ANAPC1: variants seen among roughly 807,000 people sequenced by gnomAD.
ANAPC1 encodes the protein anaphase promoting complex subunit 1.
ANAPC1 carries 36 observed loss-of-function variants against 208.0 expected under a neutral mutation model. The observed-to-expected ratio is 0.17, with a 90% confidence interval of 0.13 to 0.23. The LOEUF (loss-of-function observed/expected upper bound fraction) is 0.23. Ranked by LOEUF, ANAPC1 falls within the 10% of genes least tolerant of loss-of-function variation. The pLI, the probability that ANAPC1 is intolerant of heterozygous loss-of-function variation, is 1.00. For missense variants in ANAPC1, 942 were observed against 2,011.6 expected, an observed-to-expected ratio of 0.47 and a Z score of 10.17; for synonymous variants, 378 against 695.2, an observed-to-expected ratio of 0.54 and a Z score of 7.18.
chr2:111,806,079 C>CA (rs1678660369), intron 29 of ANAPC1, among the ~76,000 whole-genome samples, 186 bp from the exon 30 acceptor site: 1 of 151,364 alleles, frequency 6.6e-6, no homozygotes, highest in Admixed American at 6.6e-5. Context: ...AAAAAGGGCC[C>CA]AAAATAGTTC....
chr2:111,851,990 C>T (rs1242934233), intron 13 of ANAPC1, among the ~76,000 whole-genome samples: 1 of 152,062 alleles, frequency 6.6e-6, no homozygotes, highest in Non-Finnish European at 1.5e-5. Context: ...TGTTAACACA[C>T]TACTCAAAAG....
At position 111,833,329 on chromosome 2, in the gene ANAPC1, T is replaced by C. The variant is rs187735654; in HGVS notation, c.2385-18A>G. On this transcript the variant is annotated intron_variant, in intron 19 of 47. Coordinates refer to ENST00000341068, the MANE Select transcript of ANAPC1 (RefSeq NM_022662.4). Reference sequence around the variant, plus strand: ...TTAAGTCCCTAAAACAGTAAGGGCATGTAAAAAAGAAGGTATTACAGCACT... The same window carrying C: ...TTAAGTCCCTAAAACAGTAAGGGCACGTAAAAAAGAAGGTATTACAGCACT... 1.9e-5 allele frequency: 30 copies of C among 1,561,300 alleles called. No individual in the cohort carries two copies. Among genetic ancestry groups the C allele is most frequent in the South Asian group, 2.4e-5 (2 of 82,620 alleles).
At chr2:111,863,506 C>T (rs11682193) in intron 9 of ANAPC1, among the ~76,000 whole-genome samples, 169 bp downstream of exon 9, 83,374 of 139,922 alleles carry the variant, frequency 0.6, 25,392 homozygotes, top group South Asian at 0.7. Context: ...AGCAAGACTC[C>T]GTCTCAAAAA....
At chr2:111,882,773 T>C (rs1017636171) in intron 1 of ANAPC1, among the ~76,000 whole-genome samples, 13 of 150,806 alleles carry the variant, frequency 8.6e-5, no homozygotes, top group African/African-American at 2.4e-5. Context: ...CTGGATATAA[T>C]TATGTCACAA....
At position 111,834,687 on chromosome 2, in the gene ANAPC1, G is replaced by A. The variant is rs1461592082; in HGVS notation, c.2301C>T (p.His767=). Residue 767 remains histidine, a synonymous_variant, in exon 19 of 48, where the codon CAC becomes CAT. Coordinates refer to ENST00000341068, the MANE Select transcript of ANAPC1 (RefSeq NM_022662.4). ...TCAACTTAAGCTCCTCATACACAAG[G>A]TGAAGAACGAAAAAAATTGCAGGTA... is the stretch of plus-strand genomic sequence containing the variant. The part of the protein sequence containing the change: ...THIPAIFFVL[H]LVYEELKLNT... The A allele has an allele frequency of 3.7e-6, 6 of 1,613,380 alleles. No individual in the cohort carries two copies. The highest frequency in any genetic ancestry group is 4.2e-6 in the Non-Finnish European group (5 of 1,179,774).
intron 47 of ANAPC1, among the ~76,000 whole-genome samples, chr2:111,769,886 G>T (rs1676635362): frequency 6.6e-6 from 1 of 150,960 alleles, no homozygotes; most frequent in Admixed American, 6.6e-5. Flanking sequence ...GTTTCAACGT[G>T]TTAGCCAGGA....
intron 35 of ANAPC1, 124 bp from the exon 36 acceptor site, chr2:111,794,447 C>CCT (rs1254388750): frequency 1.5e-6 from 1 of 647,256 alleles, no homozygotes; most frequent in African/African-American, 1.9e-5. Context: ...GATGAAGTGC[C>CCT]CTCAGTCAGC....
intron 38 of ANAPC1, among the ~76,000 whole-genome samples, chr2:111,789,882 A>G (rs1677782513): frequency 6.6e-6 from 1 of 152,074 alleles, no homozygotes; most frequent in South Asian, 2.1e-4. Flanking sequence ...GGAGAGGCTC[A>G]TTTTGAAAGG....
intron 17 of ANAPC1, among the ~76,000 whole-genome samples, chr2:111,842,913 C>G (rs1328210001): frequency 6.6e-6 from 1 of 152,142 alleles, no homozygotes; most frequent in Admixed American, 6.6e-5. Flanking sequence ...ATACCATTAA[C>G]AGAGTAGATA....
chr2:111,831,036 A>C (rs562028633), intron 21 of ANAPC1, among the ~76,000 whole-genome samples: 25 of 152,318 alleles, frequency 1.6e-4, no homozygotes, highest in African/African-American at 6.0e-4. Context: ...CATGCAATAA[A>C]CTACTAATTA....
chr2:111,847,012 GCTC>G (rs1681127769), intron 16 of ANAPC1, 123 bp downstream of exon 16: 1 of 730,726 alleles, frequency 1.4e-6, no homozygotes, highest in African/African-American at 1.8e-5. Flanking sequence ...GCTCTTTAAA[GCTC>G]CTCTACAAAG....
At chr2:111,769,679 C>CTTTTT (rs767767639) in intron 47 of ANAPC1, among the ~76,000 whole-genome samples, 1,529 of 83,146 alleles carry the variant, frequency 0.018, 157 homozygotes, top group East Asian at 0.093. Context: ...TACTGGCTTT[C>CTTTTT]TTTTTTTTTT....
rs866158877 is a variant in ANAPC1, at chr2:111,823,041, G to A, written c.2813-441C>T. Reference sequence around the variant, plus strand: ...TTTTTTTTTTTTGAGATGGAGTCTCGCTCTGTCGCCCAGGATGGAGTGCAG... The same window carrying A: ...TTTTTTTTTTTTGAGATGGAGTCTCACTCTGTCGCCCAGGATGGAGTGCAG... On this transcript the variant is annotated intron_variant, in intron 24 of 47. Coordinates refer to ENST00000341068, the MANE Select transcript of ANAPC1 (RefSeq NM_022662.4). 1.1e-4 allele frequency among the ~76,000 whole-genome samples: 12 copies of A among 105,904 alleles called. 1 individual carries two copies. The highest frequency in any genetic ancestry group is 0.024 in the Middle Eastern group (2 of 82). The allele number at this position is 105,904 out of a possible 152,430, so 69.5% of individuals were successfully genotyped here.
chr2:111,825,115 T>C lies in ANAPC1; in HGVS notation c.2741+16A>G. ...TTAAGTGTTTGACATAAAAGCACAG[T>C]CTAAATAAAAGTCACCTGTTTTCCT... On this transcript the variant is annotated intron_variant, in intron 23 of 47. Transcript: ENST00000341068. 1 of 1,613,842 alleles carries C rather than the reference T, an allele frequency of 6.2e-7. No individual in the cohort carries two copies. Among genetic ancestry groups the C allele is most frequent in the Non-Finnish European group, 8.5e-7 (1 of 1,179,850 alleles).
At chr2:111,843,841 T>TTTTTTG (rs1680904802) in intron 16 of ANAPC1, among the ~76,000 whole-genome samples, 1 of 148,556 alleles carries the variant, frequency 6.7e-6, no homozygotes, top group South Asian at 2.2e-4. Flanking sequence ...TTTTTTTTTT[T>TTTTTTG]TGAGAGGGTG....
intron 3 of ANAPC1, among the ~76,000 whole-genome samples, chr2:111,877,659 C>T (rs1326384283): frequency 3.3e-5 from 5 of 152,110 alleles, no homozygotes; most frequent in Non-Finnish European, 1.5e-5. Context: ...TGGCGGGCAA[C>T]TGCAGTCCCA....
chr2:111,864,981 A>G (rs1682326626), intron 7 of ANAPC1, 30 bp from the exon 8 acceptor site: 1 of 1,588,542 alleles, frequency 6.3e-7, no homozygotes, highest in East Asian at 2.2e-5. Context: ...AATCAGGTAT[A>G]GAACAATGGG....
intron 39 of ANAPC1, among the ~76,000 whole-genome samples, chr2:111,787,132 G>C (rs1475680462): frequency 1.4e-5 from 2 of 143,082 alleles, no homozygotes; most frequent in African/African-American, 5.2e-5. Context: ...CTGGGCGACA[G>C]AGCGAGACTC....
intron 5 of ANAPC1, 139 bp downstream of exon 5, chr2:111,873,169 T>G: frequency 9.1e-6 from 8 of 882,722 alleles, no homozygotes; most frequent in Non-Finnish European, 1.3e-5. Flanking sequence ...CCACTAAAGC[T>G]GCCAAAATTT....
Sources: gnomAD v4.1 joint callset for allele counts (sites outside exome capture counted in the v4.1 genomes callset) on GRCh38, gnomAD v4.1.1 for gene constraint, MANE v1.5 for transcripts, NCBI Gene and HGNC (gene_info 2026-07-23, HGNC 2026-07-21) for gene names.